The following PDE4B variants were observed in gnomAD, a reference collection of about 807,000 sequenced individuals.
PDE4B encodes the protein 3',5'-cyclic-AMP phosphodiesterase 4B.
In PDE4B, 20 loss-of-function variants were observed where a neutral mutation model predicts 82.2. The ratio of observed to expected loss-of-function variants is 0.24; its 90% CI spans 0.17 to 0.35. The LOEUF is 0.35. PDE4B is among the 10% of genes least tolerant of loss of function. PDE4B has a pLI of 1.00. For synonymous variants in PDE4B, 320 were observed against 318.9 expected (o/e 1.00, Z -0.04); for missense variants, 655 against 907.2 (o/e 0.72, Z 3.57).
intron 2 of PDE4B, among the ~76,000 whole-genome samples, chr1:65,917,053 A>G (rs1348611122): frequency 2.0e-5 from 3 of 152,190 alleles, no homozygotes; most frequent in South Asian, 2.1e-4. Context: ...CTAGATTTCT[A>G]TCATCGAAGT....
At chr1:66,092,828 G>T (rs1447428120) in intron 3 of PDE4B, among the ~76,000 whole-genome samples, 1 of 151,958 alleles carries the variant, frequency 6.6e-6, no homozygotes, top group Non-Finnish European at 1.5e-5. Context: ...CTTTAGAGGA[G>T]CCCAAAGAAG....
chr1:66,174,219 C>A (rs1385997310), intron 3 of PDE4B, among the ~76,000 whole-genome samples: 1 of 152,204 alleles, frequency 6.6e-6, no homozygotes, highest in Admixed American at 6.5e-5. Flanking sequence ...GGTTAACGAT[C>A]ACTTAAATGC....
intron 1 of PDE4B, among the ~76,000 whole-genome samples, chr1:65,833,966 T>C (rs2101308657): frequency 6.6e-6 from 1 of 152,326 alleles, no homozygotes; most frequent in South Asian, 2.1e-4. Flanking sequence ...ATCATGTCTG[T>C]ATGGTGGATA....
intron 3 of PDE4B, among the ~76,000 whole-genome samples, chr1:65,923,227 G>A (rs541390123): frequency 9.9e-5 from 15 of 152,252 alleles, no homozygotes; most frequent in East Asian, 1.9e-4. Flanking sequence ...AATTGTATTC[G>A]TATAATACCA....
At chr1:65,927,367 A>C (rs1647558100) in intron 3 of PDE4B, among the ~76,000 whole-genome samples, 1 of 150,014 alleles carries the variant, frequency 6.7e-6, no homozygotes, top group Non-Finnish European at 1.5e-5. Flanking sequence ...TTCTGTTTTA[A>C]GATATATATA....
At chr1:66,321,512 A>T (rs957726825) in intron 7 of PDE4B, among the ~76,000 whole-genome samples, 10 of 152,144 alleles carry the variant, frequency 6.6e-5, no homozygotes, top group African/African-American at 2.4e-4. Flanking sequence ...AAGAGGAGAA[A>T]TTTGTTTCTC....
rs1646374377 is a variant in PDE4B at position 66,150,679 on chromosome 1, G to T, written c.282-96781G>T. On this transcript the variant is annotated intron_variant, in intron 3 of 16. Transcript: ENST00000341517. ...TGATAGTGGCTGTGGGTTTTTCATA[G>T]ATGTCTTTCATCGGATTGCAGAAAT... Among the ~76,000 whole-genome samples, 3 of 152,152 alleles carry T rather than the reference G, an allele frequency of 2.0e-5. 1 individual carries two copies. Among genetic ancestry groups the T allele is most frequent in the Admixed American group, 2.0e-4 (3 of 15,256 alleles).
intron 3 of PDE4B, among the ~76,000 whole-genome samples, chr1:65,926,782 A>AAC (rs1647526059): frequency 1.6e-5 from 2 of 123,184 alleles, no homozygotes; most frequent in Non-Finnish European, 4.0e-5. Context: ...ATAAATAACA[A>AAC]ATACACACAC....
At chr1:66,247,340 C>T in intron 3 of PDE4B, 120 bp from the exon 4 acceptor site, 1 of 555,888 alleles carries the variant, frequency 1.8e-6, no homozygotes, top group East Asian at 2.9e-5. Flanking sequence ...TTCCATAGTA[C>T]ATACAGTTTT....
chr1:66,070,110 A>T (rs1227223690), intron 3 of PDE4B, among the ~76,000 whole-genome samples: 1 of 151,996 alleles, frequency 6.6e-6, no homozygotes, highest in Admixed American at 6.6e-5. Context: ...ACGTTCATAC[A>T]CTTTTACAAG....
At chr1:66,143,337 A>G (rs556908791) in intron 3 of PDE4B, among the ~76,000 whole-genome samples, 59 of 152,338 alleles carry the variant, frequency 3.9e-4, no homozygotes, top group African/African-American at 1.4e-3. Context: ...AGACTTGACA[A>G]TAGGGACAAT....
intron 1 of PDE4B, among the ~76,000 whole-genome samples, chr1:65,897,068 C>T (rs958825709): frequency 6.6e-6 from 1 of 152,102 alleles, no homozygotes; most frequent in African/African-American, 2.4e-5. Context: ...CTTTGCCAGG[C>T]ATCACTCACT....
At chr1:65,979,020 A>T (rs1435702587) in intron 3 of PDE4B, among the ~76,000 whole-genome samples, 1 of 152,152 alleles carries the variant, frequency 6.6e-6, no homozygotes, top group African/African-American at 2.4e-5. Flanking sequence ...CATCATCATC[A>T]TCCATCATCT....
chr1:66,368,019 C>T lies in PDE4B; in HGVS notation c.1616C>T (p.Thr539Ile). 1.2e-6 allele frequency: 2 copies of T among 1,613,866 alleles called. No individual in the cohort carries two copies. The highest frequency in any genetic ancestry group is 1.7e-6 in the Non-Finnish European group (2 of 1,179,856). Reference protein sequence around the residue: ...LKTMVETKKVTSSGVLLLDNY... With the variant: ...LKTMVETKKVISSGVLLLDNY... The stretch of plus-strand genomic sequence containing the variant: ...ACAATGGTAGAAACGAAGAAAGTTA[C>T]AAGTTCAGGCGTTCTTCTCCTAGAC... The change falls in exon 15 of 17, where the codon ACA (threonine) becomes ATA (isoleucine). Residue 539 changes from threonine to isoleucine, a missense_variant. Transcript: ENST00000341517.
At chr1:66,152,716 G>A (rs557705716) in intron 3 of PDE4B, among the ~76,000 whole-genome samples, 99 of 151,406 alleles carry the variant, frequency 6.5e-4, no homozygotes, top group African/African-American at 2.0e-3. Flanking sequence ...GTGGGATCTG[G>A]CAAGTCCAAA....
At chr1:66,273,546 C>T (rs1302698166) in intron 7 of PDE4B, among the ~76,000 whole-genome samples, 1 of 152,228 alleles carries the variant, frequency 6.6e-6, no homozygotes, top group Non-Finnish European at 1.5e-5. Flanking sequence ...TCTTGATATA[C>T]CTTCTGCAAC....
intron 3 of PDE4B, among the ~76,000 whole-genome samples, chr1:65,978,493 A>C (rs1416450971): frequency 1.3e-5 from 2 of 151,974 alleles, no homozygotes; most frequent in African/African-American, 2.4e-5. Flanking sequence ...ATCTCAAAAC[A>C]CAGACTCCTT....
chr1:66,330,736 A>C (rs1660044618), intron 7 of PDE4B: 1 of 983,586 alleles, frequency 1.0e-6, no homozygotes, highest in Non-Finnish European at 1.2e-6. Flanking sequence ...TTCTGGAAGC[A>C]AACAGAGGAG....
chr1:66,248,197 C>T (rs1356716241), intron 4 of PDE4B, among the ~76,000 whole-genome samples: 1 of 152,172 alleles, frequency 6.6e-6, no homozygotes, highest in East Asian at 1.9e-4. Context: ...CTCCACCGCC[C>T]TGTAAAGCAC....
Sources: gnomAD v4.1 joint callset for allele counts (sites outside exome capture counted in the v4.1 genomes callset) on GRCh38, gnomAD v4.1.1 for gene constraint, MANE v1.5 for transcripts, NCBI Gene and HGNC (gene_info 2026-07-23, HGNC 2026-07-21) for gene names.